VPS35L: variants seen among roughly 807,000 people sequenced by gnomAD.
VPS35L encodes VPS35 endosomal protein-sorting factor-like.
A neutral mutation model predicts 133.0 loss-of-function variants in VPS35L; 83 were observed. The observed-to-expected ratio is 0.62, with a 90% CI of 0.52 to 0.75. The LOEUF (loss-of-function observed/expected upper bound fraction) is 0.75. Among genes scored for constraint, VPS35L ranks in the 30% least tolerant of loss-of-function variants. The pLI is 0.00. For missense variants in VPS35L, 1,083 were observed against 1,206.8 expected (o/e 0.90, Z 1.52); for synonymous variants, 423 against 449.9 (o/e 0.94, Z 0.76).
At chr16:19,569,614 G>A (rs763807559) in intron 3 of VPS35L, 23 bp downstream of exon 3, 7 of 1,511,716 alleles carry the variant, frequency 4.6e-6, no homozygotes, top group African/African-American at 1.4e-5. Flanking sequence ...AGCCATGGTC[G>A]TCCAGTGGGG....
At chr16:19,671,588 C>T (rs1253227292) in intron 27 of VPS35L, among the ~76,000 whole-genome samples, 1 of 151,796 alleles carries the variant, frequency 6.6e-6, no homozygotes, top group African/African-American at 2.4e-5. Flanking sequence ...ACCAGCCTGG[C>T]CAACATGGTA....
intron 26 of VPS35L, among the ~76,000 whole-genome samples, chr16:19,668,460 T>C (rs1026145411): frequency 3.9e-5 from 6 of 152,182 alleles, no homozygotes; most frequent in African/African-American, 1.4e-4. Flanking sequence ...ACATTCTCTC[T>C]CCACTCCTTT....
chr16:19,597,971 G>A (rs371920988), intron 8 of VPS35L, among the ~76,000 whole-genome samples: 1 of 152,292 alleles, frequency 6.6e-6, no homozygotes, highest in African/African-American at 2.4e-5. Flanking sequence ...GCTGTGCCAG[G>A]GATGCAGGCT....
intron 29 of VPS35L, chr16:19,694,018 T>C (rs963463841): frequency 6.8e-6 from 1 of 147,554 alleles, no homozygotes; most frequent in Non-Finnish European, 1.5e-5. Flanking sequence ...TAATGTTCAA[T>C]AGCAGAGCAG....
At chr16:19,565,156 G>A (rs1229061609) in intron 2 of VPS35L, among the ~76,000 whole-genome samples, 1 of 150,494 alleles carries the variant, frequency 6.6e-6, no homozygotes, top group Non-Finnish European at 1.5e-5. Context: ...GGGTTTAAGC[G>A]ATTCTCCTGC....
At position 19,629,813 on chromosome 16, in the gene VPS35L, A is replaced by G. The variant is rs755476589; in HGVS notation, c.1547A>G (p.His516Arg). Residue 516 changes from histidine to arginine, a missense_variant, in exon 18 of 31, where the codon CAT becomes CGT. By Grantham distance (29) the His-to-Arg change is conservative. Coordinates refer to ENST00000417362, the MANE Select transcript of VPS35L (RefSeq NM_020314.7). ...GTGTGGGTGGAATACACCTGCAAGC[A>G]TTTCACGGTATGTGTGACTGTGGTA... The part of the protein sequence containing the change: ...AEVWVEYTCK[H>R]FTKREVNTVL... The G allele has an allele frequency of 9.3e-6, 15 of 1,613,502 alleles. No homozygotes were observed. The highest frequency in any genetic ancestry group is 1.3e-5 in the Non-Finnish European group (15 of 1,179,528).
At chr16:19,612,295 C>T (rs1972749924) in intron 12 of VPS35L, among the ~76,000 whole-genome samples, 2 of 151,694 alleles carry the variant, frequency 1.3e-5, no homozygotes, top group Admixed American at 1.3e-4. Flanking sequence ...ACTCTGTTGC[C>T]CAGGCTGGAG....
intron 27 of VPS35L, among the ~76,000 whole-genome samples, 172 bp downstream of exon 27, chr16:19,669,471 A>C (rs62024102): frequency 6.6e-6 from 1 of 151,854 alleles, no homozygotes; most frequent in Non-Finnish European, 1.5e-5. Flanking sequence ...CTGGGTGGGG[A>C]TCATACTATA....
At position 19,587,096 on chromosome 16, in the gene VPS35L, A is replaced by G. The variant is rs201269635; in HGVS notation, c.640-4694A>G. 1.2e-3 allele frequency among the ~76,000 whole-genome samples: 174 copies of G among 139,390 alleles called. 1 individual carries two copies. Among genetic ancestry groups the G allele is most frequent in the Non-Finnish European group, 2.0e-3 (126 of 63,328 alleles). 91.4% of individuals were successfully genotyped at this position (139,390 alleles called of 152,430 possible). On this transcript the variant is annotated intron_variant, in intron 7 of 30. Coordinates refer to ENST00000417362, the MANE Select transcript of VPS35L (RefSeq NM_020314.7). ...TTTCCATAGCAGAGCAGGAGAGAGA[A>G]AGAGAGAGAGAGAGAGAGAACAGGG...
At chr16:19,685,970 C>T (rs1476382097) in intron 28 of VPS35L, among the ~76,000 whole-genome samples, 6 of 152,074 alleles carry the variant, frequency 3.9e-5, no homozygotes, top group South Asian at 2.1e-4. Context: ...TGAACAAGGC[C>T]GCCAGCGAAG....
chr16:19,591,307 TGA>T (rs1972035434), intron 7 of VPS35L, among the ~76,000 whole-genome samples: 2 of 152,222 alleles, frequency 1.3e-5, no homozygotes, highest in Non-Finnish European at 1.5e-5. Context: ...AGGACTGTGA[TGA>T]GAGAGATGTC....
chr16:19,628,658 G>A lies in VPS35L; in HGVS notation c.1405G>A (p.Gly469Arg). Residue 469 changes from glycine (G) to arginine (R), a missense_variant, in exon 17 of 31, where the codon GGA (glycine) becomes AGA (arginine). Physicochemically the swap from Gly to Arg is moderately radical, Grantham distance 125. Coordinates refer to ENST00000417362, the MANE Select transcript of VPS35L (RefSeq NM_020314.7). ...FPKHLLFRSL[G>R]LNLALADPPE... ...TTAGCATCTTCTTTTTCGATCACTG[G>A]GATTAAACTTGGCCTTGGCTGATCC... 6.3e-7 allele frequency: 1 copy of A among 1,588,980 alleles called. No individual in the cohort carries two copies. Among genetic ancestry groups the A allele is most frequent in the Non-Finnish European group, 8.6e-7 (1 of 1,163,304 alleles).
chr16:19,679,724 C>T (rs1391670972), intron 27 of VPS35L, among the ~76,000 whole-genome samples: 1 of 152,076 alleles, frequency 6.6e-6, no homozygotes, highest in Non-Finnish European at 1.5e-5. Flanking sequence ...AGGCTGGTCT[C>T]AAACTCCTGA....
At chr16:19,555,833 C>T (rs996051279) in intron 1 of VPS35L, 87 bp downstream of exon 1, 91 of 1,495,734 alleles carry the variant, frequency 6.1e-5, no homozygotes, top group Non-Finnish European at 7.4e-5. Context: ...GTGAATTCCT[C>T]TCTGTCGGGT....
rs202039256 is a variant in VPS35L at position 19,627,280 on chromosome 16, C to CA, written c.1272-401dup. On this transcript the variant is annotated intron_variant, in intron 15 of 30. Coordinates refer to ENST00000417362, the MANE Select transcript of VPS35L (RefSeq NM_020314.7). The stretch of plus-strand genomic sequence containing the variant: ...TGGGCAACAAAGTGAGACTCCATCT[C>CA]AAAAAAAAAAAAACAAAAAAACCAA... Among the ~76,000 whole-genome samples, 622 of 108,816 alleles carry CA rather than the reference C, an allele frequency of 5.7e-3. 2 individuals carry two copies. Among genetic ancestry groups the CA allele is most frequent in the Non-Finnish European group, 6.1e-3 (307 of 50,570 alleles). The allele number at this position is 108,816 out of a possible 152,430, so 71.4% of individuals were successfully genotyped here. A position where few individuals can be genotyped will look rare whatever the true frequency, so the allele number is the denominator to read the frequency against.
chr16:19,683,751 G>A (rs1271317869), intron 28 of VPS35L, among the ~76,000 whole-genome samples: 1 of 152,212 alleles, frequency 6.6e-6, no homozygotes, highest in African/African-American at 2.4e-5. Flanking sequence ...GAATAGTGCT[G>A]CAGTGAACAT....
At chr16:19,693,158 G>A (rs1975758161) in intron 29 of VPS35L, among the ~76,000 whole-genome samples, 1 of 152,202 alleles carries the variant, frequency 6.6e-6, no homozygotes, top group South Asian at 2.1e-4. Flanking sequence ...TTTGTGGAAA[G>A]AGTGGCATTG....
At chr16:19,618,547 G>A (rs1257106801) in intron 14 of VPS35L, among the ~76,000 whole-genome samples, 1 of 152,174 alleles carries the variant, frequency 6.6e-6, no homozygotes, top group Non-Finnish European at 1.5e-5. Context: ...TACACACATT[G>A]CTGTGTGTGC....
intron 28 of VPS35L, among the ~76,000 whole-genome samples, chr16:19,687,329 C>T (rs1192395304): frequency 6.6e-6 from 1 of 152,244 alleles, no homozygotes; most frequent in East Asian, 1.9e-4. Context: ...CAGCAGCAGA[C>T]ATGAGAAATT....
Sources: gnomAD v4.1 joint callset for allele counts (sites outside exome capture counted in the v4.1 genomes callset) on GRCh38, gnomAD v4.1.1 for gene constraint, MANE v1.5 for transcripts, NCBI Gene and HGNC (gene_info 2026-07-23, HGNC 2026-07-21) for gene names.